LPP: variants seen among roughly 807,000 people sequenced by gnomAD.
The protein encoded by LPP is lipoma-preferred partner.
A neutral mutation model predicts 60.4 loss-of-function variants in LPP; 38 were observed. The observed-to-expected ratio is 0.63, with a 90% confidence interval of 0.49 to 0.83. LPP has a LOEUF of 0.83. Ranked by LOEUF, LPP falls within the 40% of genes least tolerant of loss-of-function variation. The pLI is 0.00. For missense variants in LPP, 902 were observed against 783.6 expected (o/e 1.15, Z -1.80); for synonymous variants, 328 against 290.8 (o/e 1.13, Z -1.30).
rs1580232815 is a variant in LPP, at chr3:188,592,560, T to TA, written c.430-16601_430-16600insA. Among the ~76,000 whole-genome samples, 2 of 133,574 alleles carry TA rather than the reference T, an allele frequency of 1.5e-5. 1 individual carries two copies. The allele number at this position is 133,574 out of a possible 152,430, so 87.6% of individuals were successfully genotyped here. A position where few individuals can be genotyped will look rare whatever the true frequency, so the allele number is the denominator to read the frequency against. ...CACTGTTTTTAGTTTTGTTTTTGTT[T>TA]TTTAAATGGAGTCTCACTCTTTCTC... On this transcript the variant is annotated intron_variant, in intron 6 of 11. Coordinates refer to ENST00000617246, the MANE Select transcript of LPP (RefSeq NM_001375462.1).
Position 188,874,365 on chromosome 3 carries a change from C to G in LPP, c.1725C>G (p.Leu575=). ...TACTGTTCTAGGATTGCGGTGGTCT[C>G]CTGTCTGAAGGAGATAACCAAGGCT... ...HCYRCEDCGG[L]LSEGDNQGCY... is the part of the protein sequence containing the mutation. Residue 575 remains leucine, a synonymous_variant, in exon 12 of 12, where the codon CTC becomes CTG. Coordinates refer to ENST00000617246, the MANE Select transcript of LPP (RefSeq NM_001375462.1). The G allele has an allele frequency of 1.2e-6, 2 of 1,613,790 alleles. No individual in the cohort carries two copies. Among genetic ancestry groups the G allele is most frequent in the Non-Finnish European group, 1.7e-6 (2 of 1,179,756 alleles).
intron 6 of LPP, among the ~76,000 whole-genome samples, chr3:188,544,456 C>T (rs931524064): frequency 2.0e-4 from 31 of 152,172 alleles, no homozygotes; most frequent in African/African-American, 6.3e-4. Flanking sequence ...CATGAACAGA[C>T]ACTTCTCAAA....
At chr3:188,652,142 G>T (rs538868958) in intron 7 of LPP, among the ~76,000 whole-genome samples, 1 of 152,290 alleles carries the variant, frequency 6.6e-6, no homozygotes, top group South Asian at 2.1e-4. Flanking sequence ...AGAGAAAAGA[G>T]TCTTTGAATT....
chr3:188,488,836 A>C (rs902669326), intron 5 of LPP, among the ~76,000 whole-genome samples: 2 of 151,852 alleles, frequency 1.3e-5, no homozygotes, highest in Non-Finnish European at 2.9e-5. Context: ...ATGGGGTTTC[A>C]CTATATTGGC....
chr3:188,699,466 G>A (rs949924243), intron 7 of LPP, among the ~76,000 whole-genome samples: 1 of 152,184 alleles, frequency 6.6e-6, no homozygotes, highest in African/African-American at 2.4e-5. Context: ...TATGGGCATC[G>A]ATGCATGGCA....
At chr3:188,470,200 C>T (rs529676260) in intron 4 of LPP, among the ~76,000 whole-genome samples, 2 of 151,768 alleles carry the variant, frequency 1.3e-5, no homozygotes, top group African/African-American at 4.8e-5. Context: ...CAGTGATTGC[C>T]GAGATCATCC....
rs1004222826 is a variant in LPP, at chr3:188,441,609, C to CTTTTTTTTTT, written c.193+35316_193+35325dup. ...ACAGTTTCTTTTTTTCTTTTCTTTT[C>CTTTTTTTTTT]TTTTTTTTTTTTTTTTTTTTTTTTT... On this transcript the variant is annotated intron_variant, in intron 4 of 11. Transcript: ENST00000617246. Among the ~76,000 whole-genome samples the CTTTTTTTTTT allele has an allele frequency of 1.3e-3, 72 of 55,614 alleles. 3 individuals are homozygous for CTTTTTTTTTT. Among genetic ancestry groups the CTTTTTTTTTT allele is most frequent in the African/African-American group, 2.2e-3 (30 of 13,338 alleles). 36.5% of individuals were successfully genotyped at this position (55,614 alleles called of 152,430 possible). A position where few individuals can be genotyped will look rare whatever the true frequency, so the allele number is the denominator to read the frequency against.
chr3:188,659,827 CACACACACACACAT>C (rs2149094752), intron 7 of LPP, among the ~76,000 whole-genome samples: 1 of 128,710 alleles, frequency 7.8e-6, no homozygotes, highest in Admixed American at 7.7e-5. Context: ...CACACACACA[CACACACACACACAT>C]CATTTAAGAA....
chr3:188,603,176 T>C (rs1841762374), intron 6 of LPP, among the ~76,000 whole-genome samples: 1 of 151,966 alleles, frequency 6.6e-6, no homozygotes, highest in South Asian at 2.1e-4. Context: ...TCTTCAGCTT[T>C]ATAGTTCACA....
chr3:188,615,164 G>A (rs375598927), intron 7 of LPP, among the ~76,000 whole-genome samples: 2 of 152,166 alleles, frequency 1.3e-5, no homozygotes, highest in African/African-American at 4.8e-5. Flanking sequence ...CCAACCAGTT[G>A]CAGAATACAT....
rs1180808794 is a variant in LPP, at chr3:188,760,153, T to C, written c.1281T>C (p.Gly427=). ...ARCGENVVGE[G]TGCTAMDQVF... ...GTGGAGAAAACGTAGTTGGGGAAGG[T>C]ACAGGATGCACTGCCATGGATCAGG... The change falls in exon 9 of 12, where the codon GGT becomes GGC. Residue 427 remains glycine, a synonymous_variant. Coordinates refer to ENST00000617246, the MANE Select transcript of LPP (RefSeq NM_001375462.1). 2.5e-6 allele frequency: 4 copies of C among 1,613,978 alleles called. No homozygotes were observed.
At chr3:188,378,900 T>G (rs1327493259) in intron 3 of LPP, among the ~76,000 whole-genome samples, 1 of 152,182 alleles carries the variant, frequency 6.6e-6, no homozygotes, top group African/African-American at 2.4e-5. Flanking sequence ...CACATGTATT[T>G]CTTTGTTTAT....
chr3:188,805,592 A>G (rs1171555501), intron 9 of LPP, among the ~76,000 whole-genome samples: 1 of 151,456 alleles, frequency 6.6e-6, no homozygotes, highest in Non-Finnish European at 1.5e-5. Context: ...TCTGCTCTCA[A>G]TTATATTGAC....
At chr3:188,323,172 A>C (rs1421671359) in intron 2 of LPP, among the ~76,000 whole-genome samples, 1 of 152,188 alleles carries the variant, frequency 6.6e-6, no homozygotes, top group Non-Finnish European at 1.5e-5. Context: ...TTGTTACTAG[A>C]GAAGGAACAA....
chr3:188,365,250 A>G (rs1353500202), intron 3 of LPP, among the ~76,000 whole-genome samples: 1 of 152,062 alleles, frequency 6.6e-6, no homozygotes, highest in East Asian at 1.9e-4. Flanking sequence ...TCAGCAAGAG[A>G]GTATTTCCTA....
At chr3:188,442,240 G>T (rs926368981) in intron 4 of LPP, among the ~76,000 whole-genome samples, 5 of 152,000 alleles carry the variant, frequency 3.3e-5, no homozygotes, top group Non-Finnish European at 7.4e-5. Context: ...CGTCATTTAC[G>T]TTAGGTATTT....
chr3:188,885,200 A>G lies in LPP; in HGVS notation c.*10721A>G. ...ATCCTAAAATATGTGAAGTGAGAGA[A>G]AAAATATCATTTCTTCTCATTAAAT... On this transcript the variant is annotated 3_prime_UTR_variant, in exon 12 of 12. Coordinates refer to ENST00000617246, the MANE Select transcript of LPP (RefSeq NM_001375462.1). 4.9e-6 allele frequency: 1 copy of G among 203,486 alleles called. No individual in the cohort carries two copies. 12.6% of individuals were successfully genotyped at this position (203,486 alleles called of 1,614,324 possible). A position where few individuals can be genotyped will look rare whatever the true frequency, so the allele number is the denominator to read the frequency against.
intron 7 of LPP, among the ~76,000 whole-genome samples, chr3:188,627,167 A>G (rs1215590167): frequency 6.6e-6 from 1 of 152,290 alleles, no homozygotes; most frequent in East Asian, 1.9e-4. Flanking sequence ...AGCATGAAAG[A>G]CTGTTACCTA....
At chr3:188,282,441 T>C (rs1485661100) in intron 2 of LPP, among the ~76,000 whole-genome samples, 1 of 152,134 alleles carries the variant, frequency 6.6e-6, no homozygotes, top group Middle Eastern at 3.2e-3. Flanking sequence ...GACAGGAGGT[T>C]GGCTTGTGTA....
Sources: allele counts gnomAD v4.1 joint callset (sites outside exome capture counted in the v4.1 genomes callset), GRCh38; gene constraint gnomAD v4.1.1; transcripts MANE v1.5; gene names NCBI Gene and HGNC (gene_info 2026-07-23, HGNC 2026-07-21).